TLL1: variants seen among roughly 807,000 people sequenced by gnomAD.
TLL1 encodes the protein tolloid-like protein 1.
In TLL1, 49 loss-of-function variants were observed where a neutral mutation model predicts 128.2. The ratio of observed to expected loss-of-function variants is 0.38; its 90% confidence interval spans 0.30 to 0.48. The LOEUF is 0.48. Among genes scored for constraint, TLL1 ranks in the 20% least tolerant of loss-of-function variants. The pLI is 0.96. For synonymous variants in TLL1, 454 were observed against 418.8 expected, an observed-to-expected ratio of 1.08 and a Z score of -1.03; for missense variants, 1,123 against 1,242.0, an observed-to-expected ratio of 0.90 and a Z score of 1.44.
chr4:166,062,066 C>T (rs1490686803), intron 15 of TLL1, among the ~76,000 whole-genome samples: 3 of 152,046 alleles, frequency 2.0e-5, no homozygotes, highest in Admixed American at 6.6e-5. Flanking sequence ...TGTTCTGTTC[C>T]ATTGATCTAT....
At chr4:165,930,055 C>T (rs894893145) in intron 1 of TLL1, among the ~76,000 whole-genome samples, 8 of 152,146 alleles carry the variant, frequency 5.3e-5, no homozygotes, top group Non-Finnish European at 1.2e-4. Flanking sequence ...CCAGAAAGAG[C>T]AGACTTGGCT....
intron 1 of TLL1, among the ~76,000 whole-genome samples, chr4:165,960,017 C>A (rs1171222008): frequency 6.6e-6 from 1 of 151,830 alleles, no homozygotes; most frequent in Non-Finnish European, 1.5e-5. Context: ...AATAAAGACC[C>A]AAAAATCCAT....
chr4:166,080,610 A>T (rs145737671), intron 18 of TLL1, among the ~76,000 whole-genome samples: 1 of 152,218 alleles, frequency 6.6e-6, no homozygotes, highest in African/African-American at 2.4e-5. Flanking sequence ...TATTAAAATA[A>T]GACATTATGT....
chr4:166,045,337 C>T (rs1739416235), intron 12 of TLL1, among the ~76,000 whole-genome samples: 1 of 152,130 alleles, frequency 6.6e-6, no homozygotes, highest in Non-Finnish European at 1.5e-5. Context: ...CTATTTATGT[C>T]AGTACTATTT....
intron 1 of TLL1, among the ~76,000 whole-genome samples, chr4:165,890,576 A>C (rs1368300258): frequency 6.6e-6 from 1 of 152,236 alleles, no homozygotes; most frequent in African/African-American, 2.4e-5. Context: ...GGGGGCAGTC[A>C]AATCTTATAG....
At chr4:166,013,828 A>G (rs902218289) in intron 7 of TLL1, among the ~76,000 whole-genome samples, 2 of 151,618 alleles carry the variant, frequency 1.3e-5, no homozygotes, top group Non-Finnish European at 2.9e-5. Flanking sequence ...AGGTTTTCTT[A>G]TTTACTAGTT....
intron 1 of TLL1, among the ~76,000 whole-genome samples, chr4:165,974,133 CTTTTTTTTTTTT>C (rs199741025): frequency 1.6e-5 from 1 of 60,748 alleles, no homozygotes; most frequent in South Asian, 7.1e-4. Context: ...TGGACCTCAT[CTTTTTTTTTTTT>C]TTTTTTTTTT....
intron 5 of TLL1, 133 bp downstream of exon 5, chr4:165,995,311 T>A: frequency 1.4e-6 from 1 of 727,880 alleles, no homozygotes; most frequent in Non-Finnish European, 2.4e-6. Context: ...GGATTTTCCA[T>A]AAAAATATTA....
chr4:166,064,722 G>A (rs1350249674), intron 15 of TLL1, among the ~76,000 whole-genome samples: 3 of 152,052 alleles, frequency 2.0e-5, no homozygotes, highest in South Asian at 2.1e-4. Flanking sequence ...CTCGGAAACA[G>A]TCTTTTATAC....
intron 9 of TLL1, among the ~76,000 whole-genome samples, chr4:166,036,903 A>G (rs560042623): frequency 6.6e-5 from 10 of 152,200 alleles, no homozygotes; most frequent in East Asian, 1.9e-4. Context: ...AATTGATAAT[A>G]CACATACTTC....
At chr4:165,935,488 CAAAT>C (rs994195372) in intron 1 of TLL1, among the ~76,000 whole-genome samples, 6 of 152,084 alleles carry the variant, frequency 3.9e-5, no homozygotes, top group African/African-American at 1.4e-4. Context: ...TGGAGGAAAA[CAAAT>C]AAAAATAAAA....
chr4:166,039,573 C>CT, intron 10 of TLL1, 132 bp downstream of exon 10: 3 of 685,902 alleles, frequency 4.4e-6, no homozygotes, highest in Non-Finnish European at 7.7e-6. Context: ...GTTAGTTATA[C>CT]TTTTTTCAAC....
At chr4:165,874,184 C>T in intron 1 of TLL1, 111 bp downstream of exon 1, 1 of 1,315,334 alleles carries the variant, frequency 7.6e-7, no homozygotes, top group East Asian at 2.3e-5. Context: ...GTCAGCCCCT[C>T]CGCCGCCCCT....
chr4:165,909,358 A>G (rs1025113328), intron 1 of TLL1, among the ~76,000 whole-genome samples: 4 of 152,240 alleles, frequency 2.6e-5, no homozygotes, highest in African/African-American at 9.6e-5. Flanking sequence ...AAGTTCAAGT[A>G]GGCAAGTGGA....
At chr4:165,893,744 A>G (rs1009015666) in intron 1 of TLL1, among the ~76,000 whole-genome samples, 2 of 152,150 alleles carry the variant, frequency 1.3e-5, no homozygotes, top group African/African-American at 4.8e-5. Flanking sequence ...ACAACTTCAT[A>G]ATTTATTGAG....
intron 1 of TLL1, among the ~76,000 whole-genome samples, chr4:165,922,618 C>T (rs1733086094): frequency 6.6e-6 from 1 of 152,156 alleles, no homozygotes; most frequent in South Asian, 2.1e-4. Context: ...TTTCTTCAGG[C>T]ATATCAATAA....
chr4:165,984,822 T>C (rs1560790911), intron 1 of TLL1, among the ~76,000 whole-genome samples: 1 of 151,992 alleles, frequency 6.6e-6, no homozygotes, highest in Non-Finnish European at 1.5e-5. Flanking sequence ...AAGGCACCTG[T>C]CTTTTAATTG....
chr4:166,062,175 G>A (rs1467516834), intron 15 of TLL1, among the ~76,000 whole-genome samples: 6 of 152,064 alleles, frequency 3.9e-5, no homozygotes, highest in African/African-American at 1.4e-4. Context: ...TTGTTCTTTT[G>A]GCTTAGGATT....
intron 5 of TLL1, among the ~76,000 whole-genome samples, chr4:166,001,545 T>G (rs1054796592): frequency 6.6e-6 from 1 of 151,996 alleles, no homozygotes; most frequent in Non-Finnish European, 1.5e-5. Flanking sequence ...ACACTTGTAA[T>G]CCAAGCACTT....
Sources: allele counts gnomAD v4.1 joint callset (sites outside exome capture counted in the v4.1 genomes callset), GRCh38; gene constraint gnomAD v4.1.1; transcripts MANE v1.5; gene names NCBI Gene and HGNC (gene_info 2026-07-23, HGNC 2026-07-21).